FAM227B: variants seen among roughly 807,000 people sequenced by gnomAD.
The protein encoded by FAM227B is protein FAM227B.
In FAM227B, 88 loss-of-function variants were observed where a neutral mutation model predicts 73.8. The observed-to-expected ratio is 1.19, with a 90% CI of 1.00 to 1.42. FAM227B has a LOEUF of 1.42. Among genes scored for constraint, FAM227B ranks in the 40% most tolerant of loss-of-function variants. The probability of loss-of-function intolerance (pLI) is 0.00; values close to 1 mark genes in which losing one functional copy is unlikely to be tolerated. For synonymous variants in FAM227B, 210 were observed against 190.5 expected (o/e 1.10, Z -0.84); for missense variants, 632 against 590.9 (o/e 1.07, Z -0.72).
chr15:49,494,284 C>CACAT (rs144493760), intron 11 of FAM227B, among the ~76,000 whole-genome samples: 28,189 of 151,252 alleles, frequency 0.19, 3,294 homozygotes, highest in East Asian at 0.36. Flanking sequence ...CACACACACA[C>CACAT]ACACACCCTA....
intron 8 of FAM227B, among the ~76,000 whole-genome samples, chr15:49,572,501 C>T (rs1391511442): frequency 1.3e-5 from 2 of 151,770 alleles, no homozygotes; most frequent in East Asian, 1.9e-4. Context: ...GTTCTTTGAC[C>T]CATTGGTTGT....
At chr15:49,505,269 C>CA (rs1045963242) in intron 11 of FAM227B, among the ~76,000 whole-genome samples, 58 of 151,912 alleles carry the variant, frequency 3.8e-4, no homozygotes, top group African/African-American at 1.4e-3. Context: ...GAAGGAATTA[C>CA]AAAAAAAGCA....
rs947514073 is a variant in FAM227B, at chr15:49,424,214, A to G, written c.1013-52815T>C. ...ATCAATCTACAATTCACAGATAGGA[A>G]GAGGTCAATGACCTAGGAGTAACAA... On this transcript the variant is annotated intron_variant, in intron 11 of 15. Coordinates refer to ENST00000299338, the MANE Select transcript of FAM227B (RefSeq NM_152647.3). 7 of 1,195,906 alleles carry G rather than the reference A, an allele frequency of 5.9e-6. No homozygotes were observed. In the African/African-American group the frequency reaches 7.5e-5, roughly 13 times the overall value. The allele number at this position is 1,195,906 out of a possible 1,614,324, so 74.1% of individuals were successfully genotyped here.
rs1325001268 is a variant in FAM227B, at chr15:49,359,539, A to C, written c.1271+7909T>G. ...AAATGCAAATCAAAACCACAATGAG[A>C]TACCATCTCACACCAGTTAGAATGG... On this transcript the variant is annotated intron_variant, in intron 13 of 15. Coordinates refer to ENST00000299338, the MANE Select transcript of FAM227B (RefSeq NM_152647.3). 1.1e-4 allele frequency among the ~76,000 whole-genome samples: 13 copies of C among 117,484 alleles called. 4 individuals are homozygous for C. Among genetic ancestry groups the C allele is most frequent in the Admixed American group, 6.4e-4 (8 of 12,444 alleles). The allele number at this position is 117,484 out of a possible 152,430, so 77.1% of individuals were successfully genotyped here.
chr15:49,452,704 T>C (rs2052877243), intron 11 of FAM227B, among the ~76,000 whole-genome samples: 2 of 152,296 alleles, frequency 1.3e-5, no homozygotes, highest in South Asian at 2.1e-4. Context: ...AGTCAGTCTC[T>C]CTGAATCTTG....
chr15:49,615,564 T>C (rs201978456), intron 1 of FAM227B, among the ~76,000 whole-genome samples: 5 of 152,308 alleles, frequency 3.3e-5, no homozygotes, highest in East Asian at 3.9e-4. Context: ...GCTCCAGCCA[T>C]GTAGGACGCA....
At chr15:49,442,351 C>A (rs1597217730) in intron 11 of FAM227B, among the ~76,000 whole-genome samples, 1 of 151,680 alleles carries the variant, frequency 6.6e-6, no homozygotes, top group Admixed American at 6.6e-5. Flanking sequence ...CTCCACGAAG[C>A]TCCCCTTGGC....
intron 10 of FAM227B, among the ~76,000 whole-genome samples, chr15:49,536,016 C>T (rs547646813): frequency 6.8e-6 from 1 of 147,672 alleles, no homozygotes; most frequent in African/African-American, 2.5e-5. Context: ...CAAGGATACT[C>T]TCTCTTTGCA....
At position 49,577,680 on chromosome 15, in the gene FAM227B, A is replaced by C. The variant is rs374692612; in HGVS notation, c.406-16T>G. 1.3e-6 allele frequency: 2 copies of C among 1,504,054 alleles called. No individual in the cohort carries two copies. The highest frequency in any genetic ancestry group is 1.4e-5 in the African/African-American group (1 of 71,560). The allele number at this position is 1,504,054 out of a possible 1,614,324, so 93.2% of individuals were successfully genotyped here. A position where few individuals can be genotyped will look rare whatever the true frequency, so the allele number is the denominator to read the frequency against. On this transcript the variant is annotated splice_polypyrimidine_tract_variant and intron_variant, in intron 5 of 15. Coordinates refer to ENST00000299338, the MANE Select transcript of FAM227B (RefSeq NM_152647.3). Reference sequence around the variant, plus strand: ...CATCTGAAAGCTGGAAAACATTTTAAATAAACTCTTTAAAACTCTAAATTA... The same window carrying C: ...CATCTGAAAGCTGGAAAACATTTTACATAAACTCTTTAAAACTCTAAATTA...
At chr15:49,375,461 G>C (rs2046099169) in intron 11 of FAM227B, among the ~76,000 whole-genome samples, 1 of 151,850 alleles carries the variant, frequency 6.6e-6, no homozygotes, top group African/African-American at 2.4e-5. Flanking sequence ...GCTCAGGCAA[G>C]TTATAGATGC....
intron 11 of FAM227B, among the ~76,000 whole-genome samples, chr15:49,455,956 G>A (rs1329839242): frequency 6.6e-6 from 1 of 151,968 alleles, no homozygotes; most frequent in Admixed American, 6.6e-5. Flanking sequence ...ATGTTGTTTA[G>A]GGGAGTATCA....
chr15:49,420,935 T>C (rs906540698), intron 11 of FAM227B, among the ~76,000 whole-genome samples: 1 of 152,136 alleles, frequency 6.6e-6, no homozygotes, highest in Non-Finnish European at 1.5e-5. Flanking sequence ...CTCGATCTCC[T>C]GACTTTGTGA....
At chr15:49,536,085 A>G (rs955661542) in intron 10 of FAM227B, among the ~76,000 whole-genome samples, 11 of 150,796 alleles carry the variant, frequency 7.3e-5, no homozygotes, top group African/African-American at 2.4e-4. Context: ...AAAAAAAAAA[A>G]AAAAAGAAAA....
intron 10 of FAM227B, among the ~76,000 whole-genome samples, chr15:49,531,670 T>A (rs1597945337): frequency 6.6e-6 from 1 of 152,022 alleles, no homozygotes; most frequent in Non-Finnish European, 1.5e-5. Flanking sequence ...ATTACTCCCA[T>A]CATCTTCCCT....
chr15:49,540,880 T>G (rs1021729398), intron 10 of FAM227B, among the ~76,000 whole-genome samples: 1 of 152,178 alleles, frequency 6.6e-6, no homozygotes, highest in Non-Finnish European at 1.5e-5. Context: ...CAGGAGATTC[T>G]TACCCGTGTG....
intron 11 of FAM227B, among the ~76,000 whole-genome samples, chr15:49,385,552 C>T (rs1446427733): frequency 6.6e-6 from 1 of 150,602 alleles, no homozygotes; most frequent in Non-Finnish European, 1.5e-5. Context: ...AAAATAGAAC[C>T]TCTTGAAAGC....
Position 49,327,953 on chromosome 15 carries a change from A to C in FAM227B, c.*615T>G. On this transcript the variant is annotated 3_prime_UTR_variant, in exon 16 of 16. Transcript: ENST00000299338. ...ATATTTTTTTCCTCACTGTTTTAGG[A>C]AGTTTGGGGCTCAAGGGTCACGACT... 1 of 1,606,148 alleles carries C rather than the reference A, an allele frequency of 6.2e-7. No homozygotes were observed. Among genetic ancestry groups the C allele is most frequent in the Non-Finnish European group, 8.5e-7 (1 of 1,175,440 alleles).
intron 9 of FAM227B, among the ~76,000 whole-genome samples, chr15:49,561,087 G>A (rs1667672442): frequency 6.6e-6 from 1 of 152,152 alleles, no homozygotes; most frequent in Admixed American, 6.6e-5. Flanking sequence ...AGAGTGGCAA[G>A]TTGACTTGAA....
intron 10 of FAM227B, among the ~76,000 whole-genome samples, chr15:49,514,405 T>C (rs2059241864): frequency 6.6e-6 from 1 of 152,130 alleles, no homozygotes; most frequent in East Asian, 1.9e-4. Flanking sequence ...GCTTGTCTAT[T>C]GTTAATGTAT....
Sources: gnomAD v4.1 joint callset for allele counts (sites outside exome capture counted in the v4.1 genomes callset) on GRCh38, gnomAD v4.1.1 for gene constraint, MANE v1.5 for transcripts, NCBI Gene and HGNC (gene_info 2026-07-23, HGNC 2026-07-21) for gene names.